Variants in COL25A1 observed in about 807,000 individuals in gnomAD.
The protein encoded by COL25A1 is collagen type XXV alpha 1 chain, also known as collagen alpha-1(XXV) chain.
In COL25A1, 103 loss-of-function variants were observed where a neutral mutation model predicts 128.4. That is an observed-to-expected ratio of 0.80 (90% CI 0.68 to 0.94). The LOEUF is 0.94. COL25A1 is among the 40% of genes least tolerant of loss of function. The pLI is 0.00. For synonymous variants in COL25A1, 279 were observed against 277.2 expected, an observed-to-expected ratio of 1.01 and a Z score of -0.06; for missense variants, 745 against 840.0, an observed-to-expected ratio of 0.89 and a Z score of 1.40.
chr4:109,300,634 C>G lies in COL25A1; in HGVS notation c.316G>C (p.Ala106Pro). ...LLAQKSYEHM[A>P]KIRIAREAPS... Reference sequence around the variant, plus strand: ...GCTTCTCTTGCGATTCTTATTTTAGCCATATGTTCATAGGATTTCTGTAGG... The same window carrying G: ...GCTTCTCTTGCGATTCTTATTTTAGGCATATGTTCATAGGATTTCTGTAGG... The change falls in exon 3 of 38, where the codon GCT becomes CCT. Residue 106 changes from alanine (A) to proline (P), a missense_variant. Coordinates refer to ENST00000399132, the MANE Select transcript of COL25A1 (RefSeq NM_198721.4). The G allele has an allele frequency of 4.3e-6, 7 of 1,610,746 alleles. No individual in the cohort carries two copies. Among genetic ancestry groups the G allele is most frequent in the Non-Finnish European group, 5.9e-6 (7 of 1,176,996 alleles).
At position 108,983,667 on chromosome 4, in the gene COL25A1, T is replaced by C. The variant is rs545642498; in HGVS notation, c.439-9108A>G. On this transcript the variant is annotated intron_variant, in intron 6 of 37. Coordinates refer to ENST00000399132, the MANE Select transcript of COL25A1 (RefSeq NM_198721.4). ...TTCGGATGTGTTTGGAGTTTCTTCC[T>C]TCTGGTGGGTTCATGGTCTCGCTGG... 4.6e-4 allele frequency among the ~76,000 whole-genome samples: 70 copies of C among 152,206 alleles called. 1 individual carries two copies. The highest frequency in any genetic ancestry group is 1.6e-3 in the African/African-American group (65 of 41,492).
intron 13 of COL25A1, among the ~76,000 whole-genome samples, chr4:108,912,549 T>C (rs1744356431): frequency 6.6e-6 from 1 of 152,132 alleles, no homozygotes; most frequent in African/African-American, 2.4e-5. Flanking sequence ...GGGTAAATTC[T>C]GCTAAAGGAA....
intron 8 of COL25A1, among the ~76,000 whole-genome samples, chr4:108,962,780 A>G (rs1479386619): frequency 6.6e-6 from 1 of 152,166 alleles, no homozygotes; most frequent in Non-Finnish European, 1.5e-5. Flanking sequence ...TTGTGCTAAT[A>G]AAACCCACTA....
intron 3 of COL25A1, among the ~76,000 whole-genome samples, chr4:109,174,584 C>T (rs566590160): frequency 1.1e-4 from 17 of 152,240 alleles, no homozygotes; most frequent in Non-Finnish European, 2.2e-4. Flanking sequence ...CACTGCAGGG[C>T]ATATGGAGTC....
chr4:109,030,875 C>T (rs1758785733), intron 5 of COL25A1, among the ~76,000 whole-genome samples: 1 of 152,022 alleles, frequency 6.6e-6, no homozygotes, highest in South Asian at 2.1e-4. Context: ...ACCTCAGCCT[C>T]CCGAGTAGCT....
rs536973292 is a variant in COL25A1, at chr4:109,241,513, T to C, written c.367+59070A>G. Among the ~76,000 whole-genome samples, 197 of 152,086 alleles carry C rather than the reference T, an allele frequency of 1.3e-3. 1 individual carries two copies. Among genetic ancestry groups the C allele is most frequent in the African/African-American group, 4.4e-3 (182 of 41,498 alleles). ...ATACACCAGGGAGGGTGGTCTGTTT[T>C]CTAGATGGTTTCTGAATACACCCTC... is the stretch of plus-strand genomic sequence containing the variant. On this transcript the variant is annotated intron_variant, in intron 3 of 37. Coordinates refer to ENST00000399132, the MANE Select transcript of COL25A1 (RefSeq NM_198721.4).
chr4:108,844,966 G>A (rs1015433047), intron 29 of COL25A1, among the ~76,000 whole-genome samples: 1 of 152,072 alleles, frequency 6.6e-6, no homozygotes, highest in Non-Finnish European at 1.5e-5. Flanking sequence ...TTTTCCTCAG[G>A]ATTAGACAGT....
chr4:108,960,047 A>G (rs1047727772), intron 8 of COL25A1, among the ~76,000 whole-genome samples: 7 of 152,176 alleles, frequency 4.6e-5, no homozygotes, highest in African/African-American at 1.7e-4. Flanking sequence ...AGGCAGCAAA[A>G]ATAGAATGGC....
chr4:108,923,432 A>G (rs1276833225), intron 11 of COL25A1, among the ~76,000 whole-genome samples: 16 of 149,542 alleles, frequency 1.1e-4, no homozygotes, highest in Admixed American at 1.3e-4. Context: ...TGCAGCCTCA[A>G]ACTCCTGGGC....
In COL25A1 at chr4:108,920,563, T is replaced by G; in HGVS notation, c.735+15A>C. The G allele has an allele frequency of 6.3e-7, 1 of 1,593,980 alleles. No individual in the cohort carries two copies. The highest frequency in any genetic ancestry group is 8.6e-7 in the Non-Finnish European group (1 of 1,166,208). On this transcript the variant is annotated intron_variant, in intron 12 of 37. Coordinates refer to ENST00000399132, the MANE Select transcript of COL25A1 (RefSeq NM_198721.4). ...GAGCATAATTACTTTCACAATATTGTTGTTTATACTCTACCTTTTGTCCCG... is the reference window on the plus strand; with the variant it reads ...GAGCATAATTACTTTCACAATATTGGTGTTTATACTCTACCTTTTGTCCCG...
intron 3 of COL25A1, among the ~76,000 whole-genome samples, chr4:109,279,133 C>G (rs532854708): frequency 3.9e-5 from 6 of 152,136 alleles, no homozygotes; most frequent in Non-Finnish European, 7.4e-5. Context: ...GGGGAAGACA[C>G]AGACACCCAA....
chr4:108,843,649 A>G (rs1245421398), intron 30 of COL25A1, among the ~76,000 whole-genome samples: 1 of 152,198 alleles, frequency 6.6e-6, no homozygotes, highest in African/African-American at 2.4e-5. Context: ...TGAATCAATC[A>G]AAGTATCATA....
chr4:109,122,658 T>C (rs566034361), intron 3 of COL25A1, among the ~76,000 whole-genome samples: 1 of 152,202 alleles, frequency 6.6e-6, no homozygotes, highest in South Asian at 2.1e-4. Flanking sequence ...GAATTCCCAA[T>C]GAACTTTCTA....
chr4:109,231,115 T>C (rs1302189053), intron 3 of COL25A1, among the ~76,000 whole-genome samples: 2 of 152,028 alleles, frequency 1.3e-5, no homozygotes, highest in Admixed American at 1.3e-4. Flanking sequence ...CACTCCAGCC[T>C]GGGAACAGAA....
At chr4:109,060,404 A>G (rs1441384373) in intron 3 of COL25A1, among the ~76,000 whole-genome samples, 5 of 152,056 alleles carry the variant, frequency 3.3e-5, no homozygotes, top group African/African-American at 9.7e-5. Flanking sequence ...CCCCCACCTC[A>G]TTGCCCTCTT....
At chr4:109,195,357 T>G (rs916026574) in intron 3 of COL25A1, among the ~76,000 whole-genome samples, 1 of 152,268 alleles carries the variant, frequency 6.6e-6, no homozygotes, top group Admixed American at 6.5e-5. Flanking sequence ...AATACTGTGG[T>G]TGCTTGTTAT....
chr4:109,220,010 T>G (rs1050049468), intron 3 of COL25A1, among the ~76,000 whole-genome samples: 2 of 152,222 alleles, frequency 1.3e-5, no homozygotes, highest in African/African-American at 4.8e-5. Flanking sequence ...AATTAGAAAG[T>G]AGGCTAGAAG....
Position 108,967,097 on chromosome 4 carries a change from G to C in COL25A1, c.492+7270C>G, listed in dbSNP as rs75518093. On this transcript the variant is annotated intron_variant, in intron 8 of 37. Coordinates refer to ENST00000399132, the MANE Select transcript of COL25A1 (RefSeq NM_198721.4). Reference sequence around the variant, plus strand: ...GTTCAAATTCTGGTTCTGCCAGTGAGTGATTATTATTTTGGACAAAATATT... The same window carrying C: ...GTTCAAATTCTGGTTCTGCCAGTGACTGATTATTATTTTGGACAAAATATT... Among the ~76,000 whole-genome samples, 997 of 152,264 alleles carry C rather than the reference G, an allele frequency of 6.5e-3. 29 individuals are homozygous for C. The highest frequency in any genetic ancestry group is 0.049 in the Admixed American group (751 of 15,290).
chr4:108,897,393 G>C (rs921019408), intron 15 of COL25A1, among the ~76,000 whole-genome samples: 3 of 152,108 alleles, frequency 2.0e-5, no homozygotes, highest in Admixed American at 2.0e-4. Context: ...CAATGCATTA[G>C]GGAAATAAGC....
Sources: gnomAD v4.1 joint callset for allele counts (sites outside exome capture counted in the v4.1 genomes callset) on GRCh38, gnomAD v4.1.1 for gene constraint, MANE v1.5 for transcripts, NCBI Gene and HGNC (gene_info 2026-07-23, HGNC 2026-07-21) for gene names.